The following ZFAND3 variants were observed in gnomAD, a reference collection of about 807,000 sequenced individuals.
The protein encoded by ZFAND3 is zinc finger AN1-type containing 3, also known as AN1-type zinc finger protein 3.
In ZFAND3, 10 loss-of-function variants were observed where a neutral mutation model predicts 29.6. The observed-to-expected ratio is 0.34, with a 90% CI of 0.21 to 0.57. ZFAND3 has a LOEUF of 0.57. Among genes scored for constraint, ZFAND3 ranks in the 20% least tolerant of loss-of-function variants. The pLI is 0.86. For synonymous variants in ZFAND3, 128 were observed against 112.6 expected, an observed-to-expected ratio of 1.14 and a Z score of -0.87; for missense variants, 230 against 304.5, an observed-to-expected ratio of 0.76 and a Z score of 1.82.
intron 2 of ZFAND3, among the ~76,000 whole-genome samples, chr6:37,974,421 T>TTTTTTG (rs1762445509): frequency 7.9e-6 from 1 of 126,332 alleles, no homozygotes; most frequent in African/African-American, 2.9e-5. Context: ...TTTTTTTTTT[T>TTTTTTG]GGAGACAGGG....
At chr6:38,015,360 A>C (rs1488331850) in intron 2 of ZFAND3, among the ~76,000 whole-genome samples, 1 of 152,186 alleles carries the variant, frequency 6.6e-6, no homozygotes, top group African/African-American at 2.4e-5. Context: ...GGGCTCTGCT[A>C]TTGGTGGGTG....
At chr6:37,827,999 C>T (rs1332803530) in intron 1 of ZFAND3, among the ~76,000 whole-genome samples, 1 of 152,138 alleles carries the variant, frequency 6.6e-6, no homozygotes, top group African/African-American at 2.4e-5. Context: ...GTACTTAGGA[C>T]CTTTTTGGGA....
At chr6:37,921,768 A>G (rs1474744438) in intron 1 of ZFAND3, among the ~76,000 whole-genome samples, 1 of 151,962 alleles carries the variant, frequency 6.6e-6, no homozygotes, top group Non-Finnish European at 1.5e-5. Context: ...AGTGTTGGCC[A>G]GGTGCAGTGG....
chr6:38,065,753 A>G (rs1461521006), intron 3 of ZFAND3, among the ~76,000 whole-genome samples: 2 of 152,228 alleles, frequency 1.3e-5, no homozygotes, highest in African/African-American at 2.4e-5. Context: ...ATATTGTCAC[A>G]ATATTATGAA....
At chr6:37,936,224 A>G (rs543564427) in intron 2 of ZFAND3, among the ~76,000 whole-genome samples, 2 of 152,324 alleles carry the variant, frequency 1.3e-5, no homozygotes, top group South Asian at 2.1e-4. Flanking sequence ...CAGAAATTTT[A>G]AAAGAACTGA....
intron 4 of ZFAND3, among the ~76,000 whole-genome samples, chr6:38,082,757 G>A (rs1764688247): frequency 6.6e-6 from 1 of 152,176 alleles, no homozygotes; most frequent in Non-Finnish European, 1.5e-5. Flanking sequence ...TGCCCAGTTT[G>A]TAGCATGTAA....
chr6:38,018,463 A>T (rs1035915825), intron 2 of ZFAND3, among the ~76,000 whole-genome samples: 2 of 152,224 alleles, frequency 1.3e-5, no homozygotes, highest in Non-Finnish European at 2.9e-5. Flanking sequence ...CACACATTCC[A>T]CAGAATTTTT....
intron 4 of ZFAND3, among the ~76,000 whole-genome samples, chr6:38,095,312 T>A (rs1764955350): frequency 6.6e-6 from 1 of 152,224 alleles, no homozygotes; most frequent in Non-Finnish European, 1.5e-5. Context: ...AAAGCCAAAT[T>A]GATCCTTTAT....
chr6:37,844,006 C>G (rs771770617), intron 1 of ZFAND3, among the ~76,000 whole-genome samples: 1 of 151,926 alleles, frequency 6.6e-6, no homozygotes, highest in African/African-American at 2.4e-5. Flanking sequence ...TCACCTCCAC[C>G]CCTTGGGCTC....
chr6:37,913,669 T>C (rs11752567), intron 1 of ZFAND3, among the ~76,000 whole-genome samples: 10,087 of 151,442 alleles, frequency 0.067, 404 homozygotes, highest in Non-Finnish European at 0.085. Flanking sequence ...GAAAATAGTC[T>C]ATTATTTACT....
chr6:38,111,106 C>T (rs1345999025), intron 4 of ZFAND3, among the ~76,000 whole-genome samples: 1 of 152,216 alleles, frequency 6.6e-6, no homozygotes, highest in Non-Finnish European at 1.5e-5. Flanking sequence ...TTAAGCTTTC[C>T]AGTTAAACTG....
At chr6:38,044,027 A>T (rs1378682749) in intron 2 of ZFAND3, among the ~76,000 whole-genome samples, 1 of 152,196 alleles carries the variant, frequency 6.6e-6, no homozygotes, top group African/African-American at 2.4e-5. Flanking sequence ...CACAATAAAA[A>T]AAATTCTGGG....
At chr6:37,919,015 G>A (rs574611031) in intron 1 of ZFAND3, among the ~76,000 whole-genome samples, 222 of 143,016 alleles carry the variant, frequency 1.6e-3, no homozygotes, top group African/African-American at 5.6e-3. Flanking sequence ...GTGCAGTGGC[G>A]CAATCTTGGC....
chr6:38,093,137 A>G (rs1232926232), intron 4 of ZFAND3, among the ~76,000 whole-genome samples: 1 of 152,246 alleles, frequency 6.6e-6, no homozygotes, highest in African/African-American at 2.4e-5. Flanking sequence ...TTCCTTTTGC[A>G]TATAAAGTAA....
At chr6:38,137,877 C>A (rs1284899992) in intron 5 of ZFAND3, among the ~76,000 whole-genome samples, 1 of 152,108 alleles carries the variant, frequency 6.6e-6, no homozygotes, top group East Asian at 1.9e-4. Flanking sequence ...GAGCACAGTG[C>A]GTTGCGGGAG....
intron 2 of ZFAND3, among the ~76,000 whole-genome samples, chr6:38,000,207 C>G (rs1049844561): frequency 3.9e-5 from 6 of 152,126 alleles, no homozygotes; most frequent in Admixed American, 6.5e-5. Flanking sequence ...TGATGTTGAT[C>G]TCAGATTGAT....
chr6:38,049,260 CAACTTTTTAAGA>C (rs1424260946), intron 2 of ZFAND3, among the ~76,000 whole-genome samples: 1 of 152,176 alleles, frequency 6.6e-6, no homozygotes, highest in Non-Finnish European at 1.5e-5. Flanking sequence ...CTCAAGCTAG[CAACTTTTTAAGA>C]AGTCGGAAGA....
chr6:38,014,906 A>G (rs1763227847), intron 2 of ZFAND3, among the ~76,000 whole-genome samples: 1 of 152,214 alleles, frequency 6.6e-6, no homozygotes, highest in African/African-American at 2.4e-5. Context: ...TTCCATTAAG[A>G]TGCTTAAAAG....
At chr6:38,051,556 C>T (rs1171122771) in intron 2 of ZFAND3, among the ~76,000 whole-genome samples, 1 of 152,100 alleles carries the variant, frequency 6.6e-6, no homozygotes, top group East Asian at 1.9e-4. Flanking sequence ...TAGATTATAC[C>T]AAGGATCAAC....
Sources: gnomAD v4.1 joint callset for allele counts (sites outside exome capture counted in the v4.1 genomes callset) on GRCh38, gnomAD v4.1.1 for gene constraint, MANE v1.5 for transcripts, NCBI Gene and HGNC (gene_info 2026-07-23, HGNC 2026-07-21) for gene names.